The following FRS2 variants were observed in gnomAD, a reference collection of about 807,000 sequenced individuals.
FRS2 encodes fibroblast growth factor receptor substrate 2, also known as FGFR signalling adaptor.
A neutral mutation model predicts 43.9 loss-of-function variants in FRS2; 8 were observed. The observed-to-expected ratio is 0.18, with a 90% CI of 0.11 to 0.33. FRS2 has a LOEUF of 0.33. Among genes scored for constraint, FRS2 ranks in the 10% least tolerant of loss-of-function variants. FRS2 has a pLI of 1.00. For missense variants in FRS2, 534 were observed against 627.6 expected (o/e 0.85, Z 1.59); for synonymous variants, 219 against 220.3 (o/e 0.99, Z 0.05).
chr12:69,478,828 C>T lies in FRS2; in HGVS notation c.-261+8298C>T, dbSNP rs80068844. On this transcript the variant is annotated intron_variant, in intron 1 of 8. Coordinates refer to ENST00000549921, the MANE Select transcript of FRS2 (RefSeq NM_001278356.2). Reference sequence around the variant, plus strand: ...TTTAAAAAACAGAACACTGCCAGCACCTTTGATGGCCGTTCATGTTTCTCA... The same window carrying T: ...TTTAAAAAACAGAACACTGCCAGCATCTTTGATGGCCGTTCATGTTTCTCA... Among the ~76,000 whole-genome samples the T allele has an allele frequency of 3.9e-5, 6 of 151,934 alleles. No individual in the cohort carries two copies. The East Asian group carries it at 5.8e-4, about 15-fold the overall frequency.
chr12:69,564,249 T>G, intron 4 of FRS2, among the ~76,000 whole-genome samples: 1 of 151,896 alleles, frequency 6.6e-6, no homozygotes, highest in Non-Finnish European at 1.5e-5. Flanking sequence ...TGATCTTTTT[T>G]TTTTTTTAAT....
intron 3 of FRS2, among the ~76,000 whole-genome samples, chr12:69,545,013 C>A (rs947659200): frequency 1.3e-5 from 2 of 151,986 alleles, no homozygotes; most frequent in Non-Finnish European, 2.9e-5. Flanking sequence ...GCATTTTCAT[C>A]TAACAACAAT....
At chr12:69,518,139 G>T (rs1875242087) in intron 1 of FRS2, among the ~76,000 whole-genome samples, 1 of 152,186 alleles carries the variant, frequency 6.6e-6, no homozygotes, top group African/African-American at 2.4e-5. Context: ...GGTATAGCTT[G>T]TCTTGAGTGC....
At chr12:69,569,448 T>C (rs1423777251) in intron 5 of FRS2, among the ~76,000 whole-genome samples, 1 of 152,222 alleles carries the variant, frequency 6.6e-6, no homozygotes, top group Non-Finnish European at 1.5e-5. Context: ...CAAGTCACCC[T>C]CTGATTCATC....
intron 1 of FRS2, among the ~76,000 whole-genome samples, chr12:69,476,632 C>T (rs1247275958): frequency 2.6e-5 from 4 of 151,940 alleles, no homozygotes; most frequent in African/African-American, 7.3e-5. Context: ...CACAGAAGTC[C>T]TCCTGGGGAC....
intron 3 of FRS2, among the ~76,000 whole-genome samples, chr12:69,547,960 C>T (rs1224866527): frequency 6.6e-6 from 1 of 151,270 alleles, no homozygotes; most frequent in East Asian, 1.9e-4. Context: ...CCATCTCAGC[C>T]TCCTAATAAA....
intron 3 of FRS2, among the ~76,000 whole-genome samples, chr12:69,541,824 CAAA>C (rs10605112): frequency 0.032 from 2,928 of 90,888 alleles, 98 homozygotes; most frequent in African/African-American, 0.12. Context: ...GACCCTGTCT[CAAA>C]AAAAAAAAAA....
intron 1 of FRS2, among the ~76,000 whole-genome samples, chr12:69,500,971 T>G (rs1222417551): frequency 6.6e-6 from 1 of 152,226 alleles, no homozygotes; most frequent in Non-Finnish European, 1.5e-5. Flanking sequence ...TTTAAATTTA[T>G]GCTGATTAAA....
At chr12:69,491,929 C>G (rs1872532026) in intron 1 of FRS2, among the ~76,000 whole-genome samples, 1 of 152,126 alleles carries the variant, frequency 6.6e-6, no homozygotes, top group Non-Finnish European at 1.5e-5. Flanking sequence ...ATAAATATTT[C>G]CAAATTGTTC....
At chr12:69,548,387 G>T (rs533258512) in intron 3 of FRS2, among the ~76,000 whole-genome samples, 3 of 152,332 alleles carry the variant, frequency 2.0e-5, no homozygotes, top group South Asian at 4.1e-4. Context: ...ATGTGAGAGA[G>T]TAAGGTGTGA....
chr12:69,516,487 G>C (rs763491294), intron 1 of FRS2, among the ~76,000 whole-genome samples: 1 of 152,090 alleles, frequency 6.6e-6, no homozygotes, highest in Non-Finnish European at 1.5e-5. Context: ...CAAAGTGCTG[G>C]GATTACAGGC....
chr12:69,570,184 C>G, intron 5 of FRS2, 147 bp from the exon 6 acceptor site: 1 of 629,462 alleles, frequency 1.6e-6, no homozygotes. Flanking sequence ...CAGATCTGAA[C>G]TGGGTGTTAC....
intron 1 of FRS2, among the ~76,000 whole-genome samples, chr12:69,471,265 TAAAA>T (rs915441613): frequency 6.9e-6 from 1 of 144,940 alleles, no homozygotes; most frequent in Non-Finnish European, 1.5e-5. Flanking sequence ...GCAGACATAC[TAAAA>T]AAAAAAAGAT....
intron 1 of FRS2, among the ~76,000 whole-genome samples, chr12:69,507,385 A>G (rs1401520838): frequency 2.6e-5 from 4 of 152,160 alleles, no homozygotes; most frequent in Non-Finnish European, 1.5e-5. Flanking sequence ...AATAAGACAA[A>G]TATTATTTTA....
At chr12:69,477,753 T>G (rs368077466) in intron 1 of FRS2, among the ~76,000 whole-genome samples, 1 of 129,290 alleles carries the variant, frequency 7.7e-6, no homozygotes, top group Non-Finnish European at 1.6e-5. Flanking sequence ...TATTTATTTA[T>G]TTTTTGAGAC....
intron 1 of FRS2, among the ~76,000 whole-genome samples, chr12:69,484,834 T>C (rs1871683102): frequency 6.6e-6 from 1 of 152,154 alleles, no homozygotes; most frequent in South Asian, 2.1e-4. Flanking sequence ...GTGTAACATA[T>C]ATGAATACAA....
chr12:69,538,197 T>TTATATATATATATA lies in FRS2; in HGVS notation c.-122+6154_-122+6167dup, dbSNP rs151295024. Among the ~76,000 whole-genome samples, 602 of 81,484 alleles carry TTATATATATATATA rather than the reference T, an allele frequency of 7.4e-3. 17 individuals carry two copies. Among genetic ancestry groups the TTATATATATATATA allele is most frequent in the African/African-American group, 0.017 (315 of 18,076 alleles). The allele number at this position is 81,484 out of a possible 152,430, so 53.5% of individuals were successfully genotyped here. A position where few individuals can be genotyped will look rare whatever the true frequency, so the allele number is the denominator to read the frequency against. ...AATAATAAAATTAAAAAAACAAATTTTATATATATATATATATATATATAT... is the reference window on the plus strand; with the variant it reads ...AATAATAAAATTAAAAAAACAAATTTTATATATATATATATATATATATATATATATATATATAT... On this transcript the variant is annotated intron_variant, in intron 3 of 8. Transcript: ENST00000549921.
chr12:69,524,597 T>G (rs1251735423), intron 1 of FRS2, among the ~76,000 whole-genome samples: 3 of 152,034 alleles, frequency 2.0e-5, no homozygotes, highest in Non-Finnish European at 4.4e-5. Flanking sequence ...CACGTCAAAC[T>G]GGCCCTGTTT....
chr12:69,493,948 A>G (rs1215956393), intron 1 of FRS2, among the ~76,000 whole-genome samples: 1 of 152,098 alleles, frequency 6.6e-6, no homozygotes, highest in African/African-American at 2.4e-5. Flanking sequence ...GGCCTCAGCT[A>G]TTTACGTGAA....
Sources: gnomAD v4.1 joint callset for allele counts (sites outside exome capture counted in the v4.1 genomes callset) on GRCh38, gnomAD v4.1.1 for gene constraint, MANE v1.5 for transcripts, NCBI Gene and HGNC (gene_info 2026-07-23, HGNC 2026-07-21) for gene names.